Variants in PPP1R12B observed in about 807,000 individuals in gnomAD.
PPP1R12B encodes the protein myosin phosphatase target subunit 2.
PPP1R12B carries 76 observed loss-of-function variants against 126.1 expected under a neutral mutation model. That is an observed-to-expected ratio of 0.60 (90% CI 0.50 to 0.73). The LOEUF is 0.73. Ranked by LOEUF, PPP1R12B falls within the 30% of genes least tolerant of loss-of-function variation. The pLI, the probability that PPP1R12B is intolerant of heterozygous loss-of-function variation, is 0.00. For missense variants in PPP1R12B, 1,052 were observed against 1,205.1 expected, an observed-to-expected ratio of 0.87 and a Z score of 1.88; for synonymous variants, 356 against 434.7, an observed-to-expected ratio of 0.82 and a Z score of 2.25.
At chr1:202,368,330 C>A (rs554670502) in intron 1 of PPP1R12B, among the ~76,000 whole-genome samples, 32 of 152,246 alleles carry the variant, frequency 2.1e-4, no homozygotes, top group Admixed American at 1.6e-3. Context: ...CCCATTCTCG[C>A]CCTGTGATGT....
intron 13 of PPP1R12B, among the ~76,000 whole-genome samples, chr1:202,483,212 C>G (rs1445833872): frequency 2.1e-5 from 3 of 142,532 alleles, no homozygotes; most frequent in African/African-American, 7.7e-5. Context: ...ATTGCTTTGG[C>G]TATTCATTTT....
At position 202,416,329 on chromosome 1, in the gene PPP1R12B, C is replaced by T. The variant is rs1918862; in HGVS notation, c.292-458C>T. On this transcript the variant is annotated intron_variant, in intron 1 of 23. Coordinates refer to ENST00000608999, the MANE Select transcript of PPP1R12B (RefSeq NM_002481.4). ...ATGACCTGAGGTCGGGAGTTCGAGA[C>T]AAGCCTGACCAACATGGAGAAACCC... is the stretch of plus-strand genomic sequence containing the variant. Among the ~76,000 whole-genome samples the T allele has an allele frequency of 3.7e-4, 56 of 152,130 alleles. 1 individual carries two copies. The East Asian group carries it at 0.01, about 28-fold the overall frequency.
intron 1 of PPP1R12B, among the ~76,000 whole-genome samples, chr1:202,383,377 T>G (rs1419445445): frequency 6.6e-6 from 1 of 152,242 alleles, no homozygotes; most frequent in Non-Finnish European, 1.5e-5. Context: ...TACATTTTTA[T>G]GATCTATAAA....
At chr1:202,389,215 G>T (rs1269017282) in intron 1 of PPP1R12B, among the ~76,000 whole-genome samples, 1 of 152,036 alleles carries the variant, frequency 6.6e-6, no homozygotes, top group East Asian at 1.9e-4. Context: ...GACTTCCTGA[G>T]TAAAATGAAA....
chr1:202,438,022 A>G lies in PPP1R12B; in HGVS notation c.1456A>G (p.Lys486Glu). 6.2e-7 allele frequency: 1 copy of G among 1,613,810 alleles called. No homozygotes were observed. The highest frequency in any genetic ancestry group is 8.5e-7 in the Non-Finnish European group (1 of 1,179,822). Reference protein sequence around the residue: ...RISALLDNKDKERENKSYISS... With the variant: ...RISALLDNKDEERENKSYISS... Reference sequence around the variant, plus strand: ...TTCTGCTCTACTGGACAACAAAGATAAGGTGCAGTTTGGGAGGGTATGGGG... The same window carrying G: ...TTCTGCTCTACTGGACAACAAAGATGAGGTGCAGTTTGGGAGGGTATGGGG... The change falls in exon 10 of 24, where the codon AAG (lysine) becomes GAG (glutamate). Residue 486 changes from lysine (K) to glutamate (E), a missense_variant and splice_region_variant. Coordinates refer to ENST00000608999, the MANE Select transcript of PPP1R12B (RefSeq NM_002481.4).
chr1:202,493,668 T>A (rs1679180014), intron 15 of PPP1R12B, among the ~76,000 whole-genome samples: 2 of 152,256 alleles, frequency 1.3e-5, no homozygotes, highest in African/African-American at 4.8e-5. Context: ...TAAGTACTTC[T>A]TGTGTATTAA....
Position 202,525,301 on chromosome 1 carries a change from T to C in PPP1R12B, c.2490+28479T>C, listed in dbSNP as rs1191224723. Among the ~76,000 whole-genome samples the C allele has an allele frequency of 3.3e-5, 5 of 151,808 alleles. No individual in the cohort carries two copies. The East Asian group carries it at 9.7e-4, about 29-fold the overall frequency. On this transcript the variant is annotated intron_variant, in intron 18 of 23. Coordinates refer to ENST00000608999, the MANE Select transcript of PPP1R12B (RefSeq NM_002481.4). Reference sequence around the variant, plus strand: ...AGTATTTAGATGATATTTAAAGCAATGAGACTGTATCAAATAACAGAAAGA... The same window carrying C: ...AGTATTTAGATGATATTTAAAGCAACGAGACTGTATCAAATAACAGAAAGA...
rs759746140 is a variant in PPP1R12B, at chr1:202,495,504, A to G, written c.2335+22A>G. On this transcript the variant is annotated intron_variant, in intron 16 of 23. Transcript: ENST00000608999. ...AATGGTATGTAGAACTTCAAAAGAC[A>G]CAGGCCCCTCCACAGTGCACATCCC... is the stretch of plus-strand genomic sequence containing the variant. The G allele has an allele frequency of 1.9e-6, 3 of 1,607,958 alleles. No individual in the cohort carries two copies. In the Admixed American group the frequency reaches 5.0e-5, roughly 27 times the overall value.
chr1:202,383,843 A>G (rs1266629128), intron 1 of PPP1R12B, among the ~76,000 whole-genome samples: 1 of 152,178 alleles, frequency 6.6e-6, no homozygotes, highest in African/African-American at 2.4e-5. Flanking sequence ...TATTTTTTAC[A>G]TTGTTGTGTG....
At chr1:202,371,451 C>T (rs1167273513) in intron 1 of PPP1R12B, among the ~76,000 whole-genome samples, 1 of 151,842 alleles carries the variant, frequency 6.6e-6, no homozygotes, top group East Asian at 1.9e-4. Context: ...TGATGTTCAG[C>T]ACCTTTTCGC....
At chr1:202,487,257 C>T (rs546729363) in intron 13 of PPP1R12B, among the ~76,000 whole-genome samples, 3 of 152,204 alleles carry the variant, frequency 2.0e-5, no homozygotes, top group Non-Finnish European at 4.4e-5. Context: ...TAAAAAACAA[C>T]AACGAGAAAC....
rs551891018 is a variant in PPP1R12B, at chr1:202,424,409, C to T, written c.542-1157C>T. Among the ~76,000 whole-genome samples, 5 of 151,770 alleles carry T rather than the reference C, an allele frequency of 3.3e-5. No individual in the cohort carries two copies. In the South Asian group the frequency reaches 8.3e-4, roughly 25 times the overall value. ...CGCAATCCCAGCTCATTGCAACCTC[C>T]GCCTCCCAGGTTCAAGCAATTCTCA... On this transcript the variant is annotated intron_variant, in intron 3 of 23. Transcript: ENST00000608999.
intron 1 of PPP1R12B, among the ~76,000 whole-genome samples, chr1:202,390,957 G>A (rs1664056150): frequency 1.3e-5 from 2 of 152,142 alleles, no homozygotes; most frequent in South Asian, 4.1e-4. Context: ...CCAGCTGCTG[G>A]AGAGGTTCAG....
intron 1 of PPP1R12B, among the ~76,000 whole-genome samples, chr1:202,409,115 A>G (rs1376976282): frequency 2.0e-5 from 3 of 152,060 alleles, no homozygotes; most frequent in Non-Finnish European, 4.4e-5. Context: ...CTAGAATTAC[A>G]GGCATGAGCC....
chr1:202,458,820 G>C (rs1301616324), intron 13 of PPP1R12B, among the ~76,000 whole-genome samples: 1 of 152,204 alleles, frequency 6.6e-6, no homozygotes. Flanking sequence ...CTTGATAAAA[G>C]CCTGAAGCCT....
At chr1:202,568,222 A>G (rs1021094843) in intron 22 of PPP1R12B, among the ~76,000 whole-genome samples, 2 of 151,988 alleles carry the variant, frequency 1.3e-5, no homozygotes, top group Non-Finnish European at 2.9e-5. Context: ...TACCGTTTTC[A>G]TAACCTTGAA....
chr1:202,437,960 G>C lies in PPP1R12B; in HGVS notation c.1394G>C (p.Gly465Ala). 1 of 1,614,118 alleles carries C rather than the reference G, an allele frequency of 6.2e-7. No individual in the cohort carries two copies. The highest frequency in any genetic ancestry group is 8.5e-7 in the Non-Finnish European group (1 of 1,180,020). ...TCCAGGGAACCTATAAGGGACCGAG[G>C]CTCTTCCATCTATCGCTCCTCTTCA... ...ANSREPIRDR[G>A]SSIYRSSSSP... is the part of the protein sequence containing the mutation. Residue 465 changes from glycine to alanine, a missense_variant, in exon 10 of 24, where the codon GGC (glycine) becomes GCC (alanine). Gly to Ala is a moderately conservative substitution (Grantham distance 60). Transcript: ENST00000608999.
At chr1:202,414,788 A>ATTTTTG (rs1667847475) in intron 1 of PPP1R12B, among the ~76,000 whole-genome samples, 1 of 151,870 alleles carries the variant, frequency 6.6e-6, no homozygotes, top group South Asian at 2.1e-4. Flanking sequence ...TTTTATTTTT[A>ATTTTTG]TTTTTGTTTT....
intron 8 of PPP1R12B, 26 bp from the exon 9 acceptor site, chr1:202,434,630 G>T (rs1413075475): frequency 2.5e-6 from 4 of 1,597,392 alleles, no homozygotes; most frequent in Non-Finnish European, 3.4e-6. Flanking sequence ...ACTAGTACTT[G>T]TTAATTCTCT....
Sources: gnomAD v4.1 joint callset for allele counts (sites outside exome capture counted in the v4.1 genomes callset) on GRCh38, gnomAD v4.1.1 for gene constraint, MANE v1.5 for transcripts, NCBI Gene and HGNC (gene_info 2026-07-23, HGNC 2026-07-21) for gene names.